The following CORO2B variants were observed in gnomAD, a reference collection of about 807,000 sequenced individuals.
The protein encoded by CORO2B is coronin-2B.
In CORO2B, 26 loss-of-function variants were observed where a neutral mutation model predicts 58.8. The ratio of observed to expected loss-of-function variants is 0.44; its 90% confidence interval spans 0.32 to 0.61. The LOEUF is 0.61. CORO2B is among the 20% of genes least tolerant of loss of function. The pLI is 0.04. For synonymous variants in CORO2B, 242 were observed against 253.8 expected (o/e 0.95, Z 0.44); for missense variants, 460 against 645.1 (o/e 0.71, Z 3.11).
the CORO2B span, among the ~76,000 whole-genome samples, chr15:68,550,917 A>C: frequency 1.3e-5 from 2 of 152,106 alleles, no homozygotes; most frequent in Non-Finnish European, 2.9e-5. Context: ...AGAGGGGGAC[A>C]CCTGAGCCTC....
chr15:68,558,385 T>A, the CORO2B span, among the ~76,000 whole-genome samples: 7 of 151,780 alleles, frequency 4.6e-5, no homozygotes, highest in African/African-American at 1.5e-4. Flanking sequence ...ATTTTTTTTT[T>A]AAGACAGGGT....
intron 1 of CORO2B, among the ~76,000 whole-genome samples, chr15:68,617,180 A>G (rs1900380895): frequency 7.0e-6 from 1 of 141,998 alleles, no homozygotes; most frequent in Non-Finnish European, 1.6e-5. Context: ...AGGGAATGGG[A>G]TGAGTCATAT....
chr15:68,651,874 G>A lies in CORO2B; in HGVS notation c.216+6514G>A, dbSNP rs557054395. Among the ~76,000 whole-genome samples, 24 of 152,318 alleles carry A rather than the reference G, an allele frequency of 1.6e-4. No individual in the cohort carries two copies. In the South Asian group the frequency reaches 4.6e-3, roughly 29 times the overall value. On this transcript the variant is annotated intron_variant, in intron 2 of 11. Transcript: ENST00000261861. ...TTTCCTTCAAAGCCAGCTTGCTTGA[G>A]ATTTCCATATTTATGATTAAAAATT...
chr15:68,683,479 G>A (rs932484435), intron 2 of CORO2B, among the ~76,000 whole-genome samples: 2 of 152,188 alleles, frequency 1.3e-5, no homozygotes, highest in African/African-American at 4.8e-5. Context: ...CCAGAAATGT[G>A]CTTTTTCCAC....
chr15:68,647,164 A>G (rs1901460272), intron 2 of CORO2B, among the ~76,000 whole-genome samples: 1 of 152,240 alleles, frequency 6.6e-6, no homozygotes, highest in Non-Finnish European at 1.5e-5. Flanking sequence ...AATGGAGTGC[A>G]TGTTTAAAAT....
At chr15:68,687,204 CA>C (rs1007098020) in intron 2 of CORO2B, among the ~76,000 whole-genome samples, 3 of 152,170 alleles carry the variant, frequency 2.0e-5, no homozygotes, top group African/African-American at 7.2e-5. Flanking sequence ...CCAGAGAGGC[CA>C]GGGGTTATGT....
intron 1 of CORO2B, among the ~76,000 whole-genome samples, chr15:68,643,582 G>A (rs980623116): frequency 5.9e-5 from 9 of 152,210 alleles, no homozygotes; most frequent in African/African-American, 2.2e-4. Context: ...ACCTTGGGAA[G>A]TGGAGAAGAG....
At chr15:68,526,081 A>G in the CORO2B span, among the ~76,000 whole-genome samples, 2 of 152,190 alleles carry the variant, frequency 1.3e-5, no homozygotes, top group Admixed American at 6.5e-5. Flanking sequence ...AGACTTATCC[A>G]TGTGGTTTCA....
intron 1 of CORO2B, among the ~76,000 whole-genome samples, chr15:68,584,962 G>A (rs1359396823): frequency 2.0e-5 from 3 of 151,970 alleles, no homozygotes; most frequent in Non-Finnish European, 4.4e-5. Flanking sequence ...GGCACAAGTG[G>A]GGTGGGGGTG....
At chr15:68,611,623 C>A (rs1900249658) in intron 1 of CORO2B, among the ~76,000 whole-genome samples, 1 of 152,062 alleles carries the variant, frequency 6.6e-6, no homozygotes, top group South Asian at 2.1e-4. Context: ...ATGGTCAGTT[C>A]TACAATTGAT....
intron 1 of CORO2B, among the ~76,000 whole-genome samples, chr15:68,590,348 C>T (rs1257429080): frequency 5.3e-5 from 8 of 152,006 alleles, no homozygotes; most frequent in African/African-American, 1.4e-4. Context: ...CAAAGCTCTT[C>T]GGAGGCTGCC....
chr15:68,603,059 A>C (rs1900023073), intron 1 of CORO2B, among the ~76,000 whole-genome samples: 1 of 152,144 alleles, frequency 6.6e-6, no homozygotes, highest in African/African-American at 2.4e-5. Context: ...TGGGTCTGTC[A>C]ACGGTCTGTT....
intron 3 of CORO2B, among the ~76,000 whole-genome samples, chr15:68,700,830 T>G (rs8024974): frequency 6.6e-6 from 1 of 151,956 alleles, no homozygotes; most frequent in South Asian, 2.1e-4. Context: ...TCTGTCATCT[T>G]AAGGAGAGGG....
chr15:68,599,594 C>T (rs1403683319), intron 1 of CORO2B, among the ~76,000 whole-genome samples: 1 of 152,166 alleles, frequency 6.6e-6, no homozygotes, highest in Non-Finnish European at 1.5e-5. Flanking sequence ...TTCCTTTCTT[C>T]AATTGCCCCA....
the CORO2B span, among the ~76,000 whole-genome samples, chr15:68,546,615 C>CT: frequency 6.6e-6 from 1 of 152,202 alleles, no homozygotes; most frequent in African/African-American, 2.4e-5. Context: ...CAGTACATTT[C>CT]TTCTTCCCTT....
chr15:68,702,901 A>G (rs1329714567), intron 3 of CORO2B, among the ~76,000 whole-genome samples: 1 of 131,958 alleles, frequency 7.6e-6, no homozygotes, highest in Admixed American at 9.4e-5. Flanking sequence ...ATCTTGGCTC[A>G]CTGCAACCTC....
chr15:68,712,184 C>T (rs1403472885), intron 5 of CORO2B, among the ~76,000 whole-genome samples: 2 of 152,106 alleles, frequency 1.3e-5, no homozygotes, highest in African/African-American at 4.8e-5. Flanking sequence ...GGGTTAAGTG[C>T]CATTTGGAAG....
At chr15:68,550,701 C>T in the CORO2B span, among the ~76,000 whole-genome samples, 1 of 152,196 alleles carries the variant, frequency 6.6e-6, no homozygotes, top group Non-Finnish European at 1.5e-5. Context: ...TGTCTCAGAA[C>T]AAATCTACCT....
chr15:68,693,814 A>T (rs1391937241), intron 2 of CORO2B, among the ~76,000 whole-genome samples: 3 of 119,922 alleles, frequency 2.5e-5, no homozygotes, highest in Non-Finnish European at 3.5e-5. Flanking sequence ...TGCAAATCAG[A>T]TCTGGTTGTG....
Sources: gnomAD v4.1 joint callset for allele counts (sites outside exome capture counted in the v4.1 genomes callset) on GRCh38, gnomAD v4.1.1 for gene constraint, MANE v1.5 for transcripts, NCBI Gene and HGNC (gene_info 2026-07-23, HGNC 2026-07-21) for gene names.